Variants in WDR33 observed in about 807,000 individuals in gnomAD.
WDR33 encodes the protein WD repeat domain 33.
A neutral mutation model predicts 164.9 loss-of-function variants in WDR33; 47 were observed. That is an observed-to-expected ratio of 0.29 (90% CI 0.23 to 0.36). The LOEUF (loss-of-function observed/expected upper bound fraction) is 0.36, where lower values mean the gene tolerates loss of function less well. WDR33 is among the 10% of genes least tolerant of loss of function. The pLI is 1.00. For synonymous variants in WDR33, 505 were observed against 589.0 expected, an observed-to-expected ratio of 0.86 and a Z score of 2.06; for missense variants, 1,137 against 1,754.1, an observed-to-expected ratio of 0.65 and a Z score of 6.28.
In WDR33 at chr2:127,716,067, G is replaced by T. The variant is rs1686293886; in HGVS notation, c.2869+1088C>A. Among the ~76,000 whole-genome samples the T allele has an allele frequency of 6.6e-6, 1 of 152,178 alleles. No individual in the cohort carries two copies. Among genetic ancestry groups the T allele is most frequent in the South Asian group, 2.1e-4 (1 of 4,830 alleles). Reference sequence around the variant, plus strand: ...GATGGCGATAACTCAGGGGGTAAAAGACTCTCCTTTTGTTTCTCTAGTTCG... The same window carrying T: ...GATGGCGATAACTCAGGGGGTAAAATACTCTCCTTTTGTTTCTCTAGTTCG... On this transcript the variant is annotated intron_variant, in intron 17 of 21. Transcript: ENST00000322313. The surrounding 1 kb of genome is among the most constrained non-coding windows in gnomAD (Gnocchi z 4.5).
intron 1 of WDR33, chr2:127,799,100 T>C (rs1029556934): frequency 1.5e-4 from 23 of 152,274 alleles, no homozygotes; most frequent in African/African-American, 5.5e-4. Context: ...GAGGAGAATC[T>C]ACATTCTCAA....
At chr2:127,809,797 C>A (rs985948462) in intron 1 of WDR33, among the ~76,000 whole-genome samples, 2 of 152,080 alleles carry the variant, frequency 1.3e-5, no homozygotes, top group African/African-American at 4.8e-5. Context: ...TAAAATTTCT[C>A]CCCAAGTTTC....
At chr2:127,745,846 C>T (rs532296299) in intron 7 of WDR33, among the ~76,000 whole-genome samples, 1 of 151,966 alleles carries the variant, frequency 6.6e-6, no homozygotes, top group South Asian at 2.1e-4. Flanking sequence ...CAGAAAGATT[C>T]AAATATATTA....
chr2:127,774,581 G>A (rs1688121695), intron 1 of WDR33, among the ~76,000 whole-genome samples: 1 of 148,636 alleles, frequency 6.7e-6, no homozygotes, highest in Non-Finnish European at 1.5e-5. Flanking sequence ...TGTAATCCCA[G>A]CACTTTGGGA....
intron 1 of WDR33, among the ~76,000 whole-genome samples, chr2:127,793,393 T>C (rs1023690454): frequency 7.2e-5 from 11 of 151,814 alleles, no homozygotes; most frequent in African/African-American, 2.4e-4. Context: ...ATCATACCAC[T>C]GCACTCCAGC....
Position 127,709,218 on chromosome 2 carries a change from T to C in WDR33, c.3565+272A>G, listed in dbSNP as rs1452460543. ...TTAGCAATTGAGACTGGGGAAATTT[T>C]AATTCACTTAACTTTATTCTCCAAA... On this transcript the variant is annotated intron_variant, in intron 20 of 21. Coordinates refer to ENST00000322313, the MANE Select transcript of WDR33 (RefSeq NM_018383.5). This position sits in a 1 kb window ranked among gnomAD's most constrained non-coding sequence, Gnocchi z 5.0. Among the ~76,000 whole-genome samples, 1 of 152,234 alleles carries C rather than the reference T, an allele frequency of 6.6e-6. No homozygotes were observed. Among genetic ancestry groups the C allele is most frequent in the Admixed American group, 6.5e-5 (1 of 15,288 alleles).
At chr2:127,715,216 T>A (rs1351274255) in intron 17 of WDR33, among the ~76,000 whole-genome samples, 1 of 150,902 alleles carries the variant, frequency 6.6e-6, no homozygotes, top group Non-Finnish European at 1.5e-5. Flanking sequence ...TTCAGCCTCC[T>A]GAGTAGCTGG....
chr2:127,737,587 T>C (rs1686885487), intron 7 of WDR33: 5 of 994,320 alleles, frequency 5.0e-6, no homozygotes, highest in Middle Eastern at 5.2e-4. Context: ...GGCCAGTACC[T>C]ACACTACGTT....
In WDR33 at chr2:127,724,442, C is replaced by A. The variant is rs774106583; in HGVS notation, c.1087G>T (p.Val363Leu). The change falls in exon 11 of 22, where the codon GTA (valine) becomes TTA (leucine). Residue 363 changes from valine to leucine, a missense_variant and splice_region_variant. Coordinates refer to ENST00000322313, the MANE Select transcript of WDR33 (RefSeq NM_018383.5). The surrounding 1 kb of genome is among the most constrained non-coding windows in gnomAD (Gnocchi z 4.8). ...DGSLLFWHVG[V>L]EKEVGGMEMA... ...TCCATCCCACCCACTTCCTTCTCTA[C>A]CCTGCAACAGCACCAAAGAGAGAAG... 5.0e-6 allele frequency: 8 copies of A among 1,613,568 alleles called. No individual in the cohort carries two copies. The highest frequency in any genetic ancestry group is 6.8e-6 in the Non-Finnish European group (8 of 1,179,532).
chr2:127,726,863 T>C lies in WDR33; in HGVS notation c.725-86A>G. 1 of 1,546,584 alleles carries C rather than the reference T, an allele frequency of 6.5e-7. No individual in the cohort carries two copies. The highest frequency in any genetic ancestry group is 1.8e-5 in the Admixed American group (1 of 54,766). ...CCAAAGTAGAGAAACCTAGTAAATG[T>C]TTTGCTCTCAGTGCTCAGTCAACTT... On this transcript the variant is annotated intron_variant, in intron 7 of 21. Transcript: ENST00000322313. This position sits in a 1 kb window ranked among gnomAD's most constrained non-coding sequence, Gnocchi z 4.8.
In WDR33 at chr2:127,763,215, G is replaced by A. The variant is rs1188760316; in HGVS notation, c.627-56C>T. On this transcript the variant is annotated intron_variant, in intron 6 of 21. Transcript: ENST00000322313. This position sits in a 1 kb window ranked among gnomAD's most constrained non-coding sequence, Gnocchi z 4.5. The stretch of plus-strand genomic sequence containing the variant: ...GAAGTCAGCATTTAACAGATAATCT[G>A]TGCTTCTCAGACAGGGAAAAATAAA... 2.5e-6 allele frequency: 4 copies of A among 1,612,400 alleles called. No homozygotes were observed. The African/African-American group carries it at 5.3e-5, about 22-fold the overall frequency.
At chr2:127,805,189 T>C (rs1689392738) in intron 1 of WDR33, among the ~76,000 whole-genome samples, 1 of 146,542 alleles carries the variant, frequency 6.8e-6, no homozygotes, top group Non-Finnish European at 1.5e-5. Context: ...GCCATCCTCC[T>C]GTCTCAACCT....
intron 7 of WDR33, among the ~76,000 whole-genome samples, chr2:127,740,295 C>T (rs1349174406): frequency 6.6e-6 from 1 of 152,106 alleles, no homozygotes; most frequent in African/African-American, 2.4e-5. Context: ...GGGCCACCAG[C>T]GTTGGCACAC....
chr2:127,730,458 T>A (rs1033157046), intron 7 of WDR33, among the ~76,000 whole-genome samples: 2 of 149,200 alleles, frequency 1.3e-5, no homozygotes, highest in African/African-American at 5.0e-5. Context: ...ATAATTTAAG[T>A]GGATTAAAAA....
chr2:127,780,209 G>A (rs924920497), intron 1 of WDR33, among the ~76,000 whole-genome samples: 6 of 152,144 alleles, frequency 3.9e-5, no homozygotes, highest in East Asian at 1.9e-4. Context: ...TCCTGACCTC[G>A]TGATCCGCCC....
chr2:127,723,447 C>T lies in WDR33; in HGVS notation c.1197-100G>A, dbSNP rs562470039. ...CCTTGGTAAACACAACACATTTTTACAATTTGTTTCTTCTACAAATTTAAA... is the reference window on the plus strand; with the variant it reads ...CCTTGGTAAACACAACACATTTTTATAATTTGTTTCTTCTACAAATTTAAA... On this transcript the variant is annotated intron_variant, in intron 11 of 21. Transcript: ENST00000322313. The surrounding 1 kb of genome is among the most constrained non-coding windows in gnomAD (Gnocchi z 5.9). The T allele has an allele frequency of 3.3e-6, 3 of 919,524 alleles. No individual in the cohort carries two copies. The highest frequency in any genetic ancestry group is 5.0e-6 in the Non-Finnish European group (3 of 599,820). The allele number at this position is 919,524 out of a possible 1,614,324, so 57.0% of individuals were successfully genotyped here.
At chr2:127,803,181 A>C (rs557758894) in intron 1 of WDR33, among the ~76,000 whole-genome samples, 1 of 152,268 alleles carries the variant, frequency 6.6e-6, no homozygotes, top group African/African-American at 2.4e-5. Context: ...TGGAAAAAAA[A>C]CTGCACTTGG....
chr2:127,762,517 G>T (rs1411376375), intron 7 of WDR33: 2 of 985,566 alleles, frequency 2.0e-6, no homozygotes, highest in South Asian at 4.7e-5. Flanking sequence ...TTTCATAGAG[G>T]TTTATTAATT....
Position 127,723,381 on chromosome 2 carries a change from GCTTC to G in WDR33, c.1197-38_1197-35del, listed in dbSNP as rs1173334318. On this transcript the variant is annotated intron_variant, in intron 11 of 21. Coordinates refer to ENST00000322313, the MANE Select transcript of WDR33 (RefSeq NM_018383.5). The surrounding 1 kb of genome is among the most constrained non-coding windows in gnomAD (Gnocchi z 5.9). ...ATAATTAAAGGAGAAAAGAAGCATG[GCTTC>G]ACTATTTTTTTGGGCACTAAACAGT... The G allele has an allele frequency of 3.8e-6, 6 of 1,591,434 alleles. No homozygotes were observed. Among genetic ancestry groups the G allele is most frequent in the Non-Finnish European group, 5.2e-6 (6 of 1,161,974 alleles).
Sources: gnomAD v4.1 joint callset for allele counts (sites outside exome capture counted in the v4.1 genomes callset) on GRCh38, gnomAD v4.1.1 for gene constraint, Gnocchi (gnomAD v3.1) non-coding constraint, MANE v1.5 for transcripts, NCBI Gene and HGNC (gene_info 2026-07-23, HGNC 2026-07-21) for gene names.